Variants in FMO2 observed in about 807,000 individuals in gnomAD.
The protein encoded by FMO2 is flavin-containing monooxygenase 2.
Under a neutral mutation model 41.6 loss-of-function variants are expected in FMO2, and 33 were observed. That is an observed-to-expected ratio of 0.79 (90% CI 0.60 to 1.06). FMO2 has a LOEUF of 1.06. FMO2 is among the 50% of genes least tolerant of loss of function. FMO2 has a pLI of 0.00. For synonymous variants in FMO2, 214 were observed against 219.6 expected, an observed-to-expected ratio of 0.97 and a Z score of 0.23; for missense variants, 619 against 632.9, an observed-to-expected ratio of 0.98 and a Z score of 0.23.
chr1:171,205,360 G>C lies in FMO2; in HGVS notation c.909G>C (p.Val303=). Residue 303 remains valine, a synonymous_variant, in exon 7 of 9, where the codon GTG becomes GTC. Coordinates refer to ENST00000209929, the MANE Select transcript of FMO2 (RefSeq NM_001460.5). ...GAGCCATCAAGGTGAAATCTACAGT[G>C]AAAGAGCTCACAGAAACTTCTGCCA... ...LCGAIKVKST[V]KELTETSAIF... The C allele has an allele frequency of 6.2e-7, 1 of 1,613,830 alleles. No homozygotes were observed. The highest frequency in any genetic ancestry group is 1.1e-5 in the South Asian group (1 of 91,070).
intron 5 of FMO2, among the ~76,000 whole-genome samples, chr1:171,203,323 T>TCACACACACACA (rs10628039): frequency 5.8e-4 from 83 of 144,058 alleles, no homozygotes; most frequent in Middle Eastern, 3.5e-3. Context: ...AGACCCTGTC[T>TCACACACACACA]CACACACACA....
chr1:171,188,407 C>T (rs1435587716), intron 2 of FMO2, among the ~76,000 whole-genome samples: 1 of 152,188 alleles, frequency 6.6e-6, no homozygotes, highest in African/African-American at 2.4e-5. Flanking sequence ...AAGTATATAA[C>T]TGTGGAACTT....
At chr1:171,193,617 A>G in intron 3 of FMO2, 94 bp downstream of exon 3, 1 of 816,432 alleles carries the variant, frequency 1.2e-6, no homozygotes, top group Admixed American at 2.7e-5. Context: ...ATTATGAATG[A>G]AGTATCCCAT....
intron 2 of FMO2, among the ~76,000 whole-genome samples, chr1:171,192,669 G>A (rs946166488): frequency 6.6e-6 from 1 of 151,872 alleles, no homozygotes; most frequent in African/African-American, 2.4e-5. Flanking sequence ...AGGAGGCTGA[G>A]GCAGGAGAAT....
intron 2 of FMO2, among the ~76,000 whole-genome samples, chr1:171,192,788 G>C (rs1157706444): frequency 7.3e-6 from 1 of 136,756 alleles, no homozygotes; most frequent in African/African-American, 2.7e-5. Context: ...AAAAAAAAAA[G>C]ATTTGATTCT....
At chr1:171,194,655 AGACT>A (rs1423424633) in intron 3 of FMO2, among the ~76,000 whole-genome samples, 3 of 152,190 alleles carry the variant, frequency 2.0e-5, no homozygotes, top group Admixed American at 6.5e-5. Context: ...CAGCTATTCT[AGACT>A]GAGAAGGGAG....
At chr1:171,198,974 G>T (rs1658414249) in intron 4 of FMO2, among the ~76,000 whole-genome samples, 1 of 152,058 alleles carries the variant, frequency 6.6e-6, no homozygotes, top group Non-Finnish European at 1.5e-5. Context: ...TCAATCAGGG[G>T]TCACTGCATT....
chr1:171,197,524 G>GTTCTCAAATA (rs1658353264), intron 4 of FMO2, among the ~76,000 whole-genome samples: 1 of 152,168 alleles, frequency 6.6e-6, no homozygotes, highest in Non-Finnish European at 1.5e-5. Flanking sequence ...AGAGTCACCT[G>GTTCTCAAATA]GAGGGCTTTT....
chr1:171,200,367 C>T (rs1300981468), intron 5 of FMO2, among the ~76,000 whole-genome samples: 1 of 152,056 alleles, frequency 6.6e-6, no homozygotes, highest in African/African-American at 2.4e-5. Flanking sequence ...CAGACCCAGG[C>T]AAAGAAGGGA....
chr1:171,187,038 A>G (rs1307404992), intron 2 of FMO2, among the ~76,000 whole-genome samples: 1 of 152,274 alleles, frequency 6.6e-6, no homozygotes, highest in Admixed American at 6.5e-5. Flanking sequence ...TATATTTTAT[A>G]GATGAGCAAA....
At chr1:171,195,460 C>T (rs1658266448) in intron 3 of FMO2, among the ~76,000 whole-genome samples, 1 of 152,162 alleles carries the variant, frequency 6.6e-6, no homozygotes. Context: ...TAGCAAGGAT[C>T]TACAGCACTT....
chr1:171,195,406 T>C (rs1024316738), intron 3 of FMO2, among the ~76,000 whole-genome samples: 1 of 152,180 alleles, frequency 6.6e-6, no homozygotes, highest in African/African-American at 2.4e-5. Flanking sequence ...CTGACAAGCC[T>C]CCAAGTGATA....
chr1:171,190,959 A>G (rs1658059699), intron 2 of FMO2, among the ~76,000 whole-genome samples: 1 of 152,110 alleles, frequency 6.6e-6, no homozygotes, highest in African/African-American at 2.4e-5. Flanking sequence ...CAGCCTGACC[A>G]AAATGGAGAA....
chr1:171,187,116 C>T (rs143468949), intron 2 of FMO2, among the ~76,000 whole-genome samples: 21 of 152,344 alleles, frequency 1.4e-4, no homozygotes, highest in East Asian at 5.8e-4. Flanking sequence ...CTTCAAACCA[C>T]GGCCTACGTG....
intron 3 of FMO2, among the ~76,000 whole-genome samples, chr1:171,195,860 T>G (rs569379991): frequency 6.6e-6 from 1 of 152,364 alleles, no homozygotes; most frequent in South Asian, 2.1e-4. Flanking sequence ...CTTGCTCACA[T>G]GATGTACTCT....
chr1:171,193,053 C>T (rs900871698), intron 2 of FMO2, among the ~76,000 whole-genome samples: 2 of 152,132 alleles, frequency 1.3e-5, no homozygotes, highest in Admixed American at 6.5e-5. Flanking sequence ...ACCTAGGATG[C>T]TAATATCTTG....
chr1:171,199,495 T>C lies in FMO2; in HGVS notation c.627+7T>C. On this transcript the variant is annotated splice_region_variant and intron_variant, in intron 5 of 8. Transcript: ENST00000209929. ...GAGTAAGAATGCTGCTCAGGTGTGA[T>C]GCTCTCTGCTTACCATGTACCTGGA... 1 of 1,599,664 alleles carries C rather than the reference T, an allele frequency of 6.3e-7. No individual in the cohort carries two copies. Among genetic ancestry groups the C allele is most frequent in the Non-Finnish European group, 8.5e-7 (1 of 1,174,122 alleles).
At chr1:171,204,171 C>T in intron 6 of FMO2, 107 bp downstream of exon 6, 1 of 751,028 alleles carries the variant, frequency 1.3e-6, no homozygotes, top group Non-Finnish European at 2.3e-6. Flanking sequence ...GTTAAAACTA[C>T]AATCTAACAA....
chr1:171,200,262 C>T (rs1314214328), intron 5 of FMO2, among the ~76,000 whole-genome samples: 1 of 152,116 alleles, frequency 6.6e-6, no homozygotes, highest in East Asian at 1.9e-4. Flanking sequence ...GGAATGACAC[C>T]AGCTGAGCTG....
Sources: gnomAD v4.1 joint callset for allele counts (sites outside exome capture counted in the v4.1 genomes callset) on GRCh38, gnomAD v4.1.1 for gene constraint, MANE v1.5 for transcripts, NCBI Gene and HGNC (gene_info 2026-07-23, HGNC 2026-07-21) for gene names.